NEK11: variants seen among roughly 807,000 people sequenced by gnomAD.
NEK11 encodes NIMA related kinase 11, also known as serine/threonine-protein kinase Nek11.
A neutral mutation model predicts 80.7 loss-of-function variants in NEK11; 72 were observed. That is an observed-to-expected ratio of 0.89 (90% CI 0.74 to 1.08). The LOEUF (loss-of-function observed/expected upper bound fraction) is 1.08. Among genes scored for constraint, NEK11 ranks in the 50% least tolerant of loss-of-function variants. The pLI is 0.00. For missense variants in NEK11, 764 were observed against 763.6 expected, an observed-to-expected ratio of 1.00 and a Z score of -0.01; for synonymous variants, 251 against 260.7, an observed-to-expected ratio of 0.96 and a Z score of 0.36.
At chr3:131,143,364 C>T (rs1470518693) in intron 7 of NEK11, among the ~76,000 whole-genome samples, 1 of 152,174 alleles carries the variant, frequency 6.6e-6, no homozygotes. Context: ...TGCTTCTTCT[C>T]ACACAGATGC....
intron 14 of NEK11, among the ~76,000 whole-genome samples, chr3:131,181,029 C>T (rs1015017238): frequency 5.9e-5 from 9 of 152,310 alleles, no homozygotes; most frequent in African/African-American, 2.2e-4. Flanking sequence ...CAAAGATGTC[C>T]TTAAAATCCT....
At chr3:131,233,233 C>T (rs948190589) in intron 15 of NEK11, among the ~76,000 whole-genome samples, 1 of 152,124 alleles carries the variant, frequency 6.6e-6, no homozygotes, top group African/African-American at 2.4e-5. Context: ...TTGCTGGAGT[C>T]CAGCACTGCG....
At chr3:131,338,503 A>C (rs2097232432) in intron 17 of NEK11, among the ~76,000 whole-genome samples, 1 of 152,102 alleles carries the variant, frequency 6.6e-6, no homozygotes, top group Non-Finnish European at 1.5e-5. Context: ...TATTTATCCA[A>C]GTCAAGTGAA....
chr3:131,235,366 C>T (rs1225546481), intron 15 of NEK11, among the ~76,000 whole-genome samples: 2 of 152,164 alleles, frequency 1.3e-5, no homozygotes, highest in African/African-American at 4.8e-5. Flanking sequence ...TGCACAGAAA[C>T]CCTGCAAAAA....
At chr3:131,227,971 C>T (rs143156988) in intron 14 of NEK11, among the ~76,000 whole-genome samples, 38 of 152,222 alleles carry the variant, frequency 2.5e-4, no homozygotes, top group Non-Finnish European at 4.3e-4. Context: ...TGAACTCCAT[C>T]TCAAAAGCCA....
At chr3:131,197,608 A>T (rs1039610050) in intron 14 of NEK11, among the ~76,000 whole-genome samples, 1 of 152,098 alleles carries the variant, frequency 6.6e-6, no homozygotes, top group African/African-American at 2.4e-5. Context: ...TGGCCATCTG[A>T]TGGGTACTAT....
intron 3 of NEK11, among the ~76,000 whole-genome samples, chr3:131,045,837 G>A (rs566664913): frequency 6.6e-6 from 1 of 151,962 alleles, no homozygotes; most frequent in African/African-American, 2.4e-5. Context: ...TTTTGGACAA[G>A]TTTTTTTTAT....
chr3:131,042,700 C>T (rs911347898), intron 3 of NEK11, among the ~76,000 whole-genome samples: 3 of 152,190 alleles, frequency 2.0e-5, no homozygotes, highest in South Asian at 2.1e-4. Flanking sequence ...CAGACTTAAA[C>T]GTTCCTGCCT....
intron 3 of NEK11, among the ~76,000 whole-genome samples, chr3:131,067,302 T>G (rs1039658892): frequency 6.6e-6 from 1 of 152,216 alleles, no homozygotes; most frequent in African/African-American, 2.4e-5. Context: ...ATTTAGAAAC[T>G]GGAATTAAGG....
intron 14 of NEK11, among the ~76,000 whole-genome samples, chr3:131,185,289 T>C (rs932905159): frequency 1.3e-5 from 2 of 152,076 alleles, no homozygotes; most frequent in Non-Finnish European, 2.9e-5. Context: ...TAAAGTCTGT[T>C]GAAAGAAAAC....
intron 4 of NEK11, among the ~76,000 whole-genome samples, chr3:131,083,600 G>A (rs1365958219): frequency 6.6e-6 from 1 of 152,140 alleles, no homozygotes; most frequent in Non-Finnish European, 1.5e-5. Flanking sequence ...GACCAAAATT[G>A]CACCTCATAG....
At chr3:131,250,968 CATA>C (rs2095689533) in intron 16 of NEK11, among the ~76,000 whole-genome samples, 1 of 151,660 alleles carries the variant, frequency 6.6e-6, no homozygotes, top group Admixed American at 6.6e-5. Flanking sequence ...TTTGCATAGT[CATA>C]ATAATTTTTT....
intron 5 of NEK11, among the ~76,000 whole-genome samples, chr3:131,116,485 A>G (rs1344008835): frequency 6.6e-6 from 1 of 152,198 alleles, no homozygotes; most frequent in African/African-American, 2.4e-5. Flanking sequence ...CTTTGGGTAT[A>G]TACCCAGTAA....
chr3:131,191,446 C>T (rs908557674), intron 14 of NEK11, among the ~76,000 whole-genome samples: 2 of 152,164 alleles, frequency 1.3e-5, no homozygotes, highest in Admixed American at 1.3e-4. Flanking sequence ...ATGCTGCCAT[C>T]TCTCTGGTTC....
chr3:131,074,319 TG>T (rs1219939153), intron 3 of NEK11, among the ~76,000 whole-genome samples: 1 of 151,960 alleles, frequency 6.6e-6, no homozygotes, highest in East Asian at 1.9e-4. Flanking sequence ...GGGGAATAAA[TG>T]GGTGGAGAGG....
Position 131,232,979 on chromosome 3 carries a change from G to GGGAAGGAAGGAA in NEK11, c.1560+4338_1560+4349dup, listed in dbSNP as rs55987547. Among the ~76,000 whole-genome samples, 360 of 132,730 alleles carry GGGAAGGAAGGAA rather than the reference G, an allele frequency of 2.7e-3. 2 individuals are homozygous for GGGAAGGAAGGAA. Among genetic ancestry groups the GGGAAGGAAGGAA allele is most frequent in the East Asian group, 7.0e-3 (31 of 4,416 alleles). The allele number at this position is 132,730 out of a possible 152,430, so 87.1% of individuals were successfully genotyped here. ...CTTAAACCATACTGATATATTTGAG[G>GGGAAGGAAGGAA]GGAAGGAAGGAAGGAAGGAAGGAAG... On this transcript the variant is annotated intron_variant, in intron 15 of 17. Transcript: ENST00000383366.
chr3:131,083,330 G>C (rs1342165439), intron 4 of NEK11, among the ~76,000 whole-genome samples: 5 of 149,556 alleles, frequency 3.3e-5, no homozygotes, highest in Non-Finnish European at 7.5e-5. Flanking sequence ...GGGCTGAGCT[G>C]CTCTCCCGGG....
intron 16 of NEK11, among the ~76,000 whole-genome samples, chr3:131,255,732 A>G (rs1483192269): frequency 6.6e-6 from 1 of 152,156 alleles, no homozygotes; most frequent in East Asian, 1.9e-4. Context: ...AAAAAGTTGT[A>G]TGCCATACTA....
chr3:131,344,399 C>A (rs1179934747), intron 17 of NEK11, among the ~76,000 whole-genome samples: 1 of 152,200 alleles, frequency 6.6e-6, no homozygotes, highest in Non-Finnish European at 1.5e-5. Context: ...TTGGTCACAA[C>A]CATTTAACCA....
Sources: allele counts gnomAD v4.1 joint callset (sites outside exome capture counted in the v4.1 genomes callset), GRCh38; gene constraint gnomAD v4.1.1; transcripts MANE v1.5; gene names NCBI Gene and HGNC (gene_info 2026-07-23, HGNC 2026-07-21).